The following PALM2AKAP2 variants were observed in gnomAD, a reference collection of about 807,000 sequenced individuals.
PALM2AKAP2 encodes the protein PALM2 and AKAP2 fusion, also known as PALM2-AKAP2 fusion protein.
In PALM2AKAP2, 37 loss-of-function variants were observed where a neutral mutation model predicts 71.5. The ratio of observed to expected loss-of-function variants is 0.52; its 90% CI spans 0.40 to 0.68. PALM2AKAP2 has a LOEUF of 0.68. PALM2AKAP2 is among the 30% of genes least tolerant of loss of function. The pLI is 0.00. For missense variants in PALM2AKAP2, 1,224 were observed against 1,191.8 expected (o/e 1.03, Z -0.40); for synonymous variants, 468 against 478.8 (o/e 0.98, Z 0.29).
At chr9:110,154,674 T>A (rs1217649725) in intron 2 of PALM2AKAP2, among the ~76,000 whole-genome samples, 3 of 152,248 alleles carry the variant, frequency 2.0e-5, no homozygotes, top group African/African-American at 7.2e-5. Context: ...AAAAGACTTT[T>A]CAGTTATCTG....
chr9:109,645,206 C>T (rs1827131399), intron 1 of PALM2AKAP2, among the ~76,000 whole-genome samples: 2 of 152,120 alleles, frequency 1.3e-5, no homozygotes, highest in Admixed American at 1.3e-4. Flanking sequence ...TGGCAGAAGG[C>T]AAGGAGGAGC....
chr9:110,101,312 C>T (rs1321649066), intron 1 of PALM2AKAP2, among the ~76,000 whole-genome samples: 1 of 152,176 alleles, frequency 6.6e-6, no homozygotes, highest in Non-Finnish European at 1.5e-5. Context: ...CTCCACTCCA[C>T]TCCTGAGTGT....
chr9:109,807,329 G>T (rs774472008), intron 1 of PALM2AKAP2, among the ~76,000 whole-genome samples: 1 of 152,212 alleles, frequency 6.6e-6, no homozygotes, highest in Non-Finnish European at 1.5e-5. Context: ...AGGTGGAAGT[G>T]TTGAGTGGTC....
chr9:109,970,368 C>T (rs147147309), intron 6 of PALM2AKAP2, among the ~76,000 whole-genome samples: 31 of 152,276 alleles, frequency 2.0e-4, no homozygotes, highest in Admixed American at 4.6e-4. Flanking sequence ...TGGAGGGACA[C>T]GGATTGGTGG....
chr9:110,024,855 T>G (rs1281729546), intron 7 of PALM2AKAP2: 3 of 791,338 alleles, frequency 3.8e-6, no homozygotes, highest in Non-Finnish European at 6.6e-6. Context: ...CAGAGGTCTT[T>G]TATTTATTTA....
At chr9:110,006,028 C>T (rs1832774423) in intron 6 of PALM2AKAP2, among the ~76,000 whole-genome samples, 1 of 152,172 alleles carries the variant, frequency 6.6e-6, no homozygotes, top group South Asian at 2.1e-4. Flanking sequence ...GCTGCATCCA[C>T]TGTCCTGCAC....
chr9:109,816,060 T>G (rs1827843708), intron 1 of PALM2AKAP2, among the ~76,000 whole-genome samples: 1 of 152,206 alleles, frequency 6.6e-6, no homozygotes, highest in African/African-American at 2.4e-5. Flanking sequence ...GGGGAGAAAG[T>G]ATCTTTAACT....
chr9:110,153,515 T>C (rs545446410), intron 2 of PALM2AKAP2, among the ~76,000 whole-genome samples: 1 of 152,266 alleles, frequency 6.6e-6, no homozygotes, highest in Non-Finnish European at 1.5e-5. Flanking sequence ...TATATTTTGG[T>C]GAAGGCATTT....
intron 1 of PALM2AKAP2, among the ~76,000 whole-genome samples, chr9:109,649,654 A>C (rs1361458278): frequency 4.6e-5 from 7 of 152,226 alleles, no homozygotes; most frequent in Non-Finnish European, 1.0e-4. Flanking sequence ...TGCATATAGA[A>C]TCTATGCATG....
intron 6 of PALM2AKAP2, among the ~76,000 whole-genome samples, chr9:109,983,636 G>A (rs1338180850): frequency 6.6e-6 from 1 of 152,108 alleles, no homozygotes; most frequent in Non-Finnish European, 1.5e-5. Flanking sequence ...AGGCTGAAGT[G>A]GATGGATCAC....
intron 3 of PALM2AKAP2, among the ~76,000 whole-genome samples, 156 bp from the exon 4 acceptor site, chr9:109,923,579 A>G (rs1830885567): frequency 6.6e-6 from 1 of 152,210 alleles, no homozygotes; most frequent in Non-Finnish European, 1.5e-5. Flanking sequence ...GAAACACAAG[A>G]TGCTGTGTAA....
chr9:109,971,283 CTTTTTTTTTTTTTTTTTTTTTT>C (rs11392589), intron 6 of PALM2AKAP2, among the ~76,000 whole-genome samples: 3 of 45,640 alleles, frequency 6.6e-5, no homozygotes, highest in South Asian at 8.6e-4. Flanking sequence ...CTCTTAGTCC[CTTTTTTTTTTTTTTTTTTTTTT>C]TTTTTTTTTA....
At chr9:110,067,455 C>T (rs1481276444) in intron 1 of PALM2AKAP2, among the ~76,000 whole-genome samples, 3 of 152,204 alleles carry the variant, frequency 2.0e-5, no homozygotes, top group Non-Finnish European at 4.4e-5. Flanking sequence ...GTATTTCCCA[C>T]GCAGGAGTTC....
Position 110,140,742 on chromosome 9 carries a change from C to T in PALM2AKAP2, c.2569+2203C>T, listed in dbSNP as rs147816964. On this transcript the variant is annotated intron_variant, in intron 2 of 3. Transcript: ENST00000374525. ...TGTTTTCCTCACCAAACTTGGGCTC[C>T]GACATCATTTTCCAGGTGGCCACTG... Among the ~76,000 whole-genome samples the T allele has an allele frequency of 3.9e-5, 6 of 152,280 alleles. No individual in the cohort carries two copies. In the East Asian group the frequency reaches 5.8e-4, roughly 15 times the overall value.
At chr9:109,670,099 A>G (rs1299051251) in intron 1 of PALM2AKAP2, among the ~76,000 whole-genome samples, 1 of 152,096 alleles carries the variant, frequency 6.6e-6, no homozygotes, top group Non-Finnish European at 1.5e-5. Context: ...GCTGTCATTT[A>G]GCTTGAAATA....
At chr9:110,167,020 G>C (rs540993999) in intron 3 of PALM2AKAP2, among the ~76,000 whole-genome samples, 1 of 152,188 alleles carries the variant, frequency 6.6e-6, no homozygotes, top group Admixed American at 6.5e-5. Context: ...AAGATCAAAG[G>C]CACGTCTTAC....
Position 110,117,973 on chromosome 9 carries a change from T to TTGTGTGTGTGTG in PALM2AKAP2, c.157-18128_157-18117dup, listed in dbSNP as rs1171400897. On this transcript the variant is annotated intron_variant, in intron 1 of 3. Transcript: ENST00000374525. The stretch of plus-strand genomic sequence containing the variant: ...GATACATATATATATATATGTCGTT[T>TTGTGTGTGTGTG]TGTGTGTGTGTGTGTGTGTGTGTGT... Among the ~76,000 whole-genome samples the TTGTGTGTGTGTG allele has an allele frequency of 5.1e-3, 706 of 138,542 alleles. 1 individual carries two copies. The highest frequency in any genetic ancestry group is 7.7e-3 in the South Asian group (33 of 4,260). The allele number at this position is 138,542 out of a possible 152,430, so 90.9% of individuals were successfully genotyped here. A position where few individuals can be genotyped will look rare whatever the true frequency, so the allele number is the denominator to read the frequency against.
chr9:109,880,542 C>T lies in PALM2AKAP2; in HGVS notation c.127-9C>T, dbSNP rs1182178182. On this transcript the variant is annotated splice_polypyrimidine_tract_variant and intron_variant, in intron 2 of 9. Transcript: ENST00000302798. ...TCATCTTGTCTGTTGTCTTCCCTCA[C>T]TTCCACAGTCCAAAGTGCTTCGGGA... 1.2e-6 allele frequency: 2 copies of T among 1,612,290 alleles called. No homozygotes were observed. The highest frequency in any genetic ancestry group is 2.2e-5 in the East Asian group (1 of 44,872).
chr9:110,011,259 C>A (rs775436072), intron 6 of PALM2AKAP2, among the ~76,000 whole-genome samples: 1 of 148,036 alleles, frequency 6.8e-6, no homozygotes. Context: ...ACTTTTTTCC[C>A]CAAGTTCTTA....
Sources: allele counts gnomAD v4.1 joint callset (sites outside exome capture counted in the v4.1 genomes callset), GRCh38; gene constraint gnomAD v4.1.1; transcripts MANE v1.5; gene names NCBI Gene and HGNC (gene_info 2026-07-23, HGNC 2026-07-21).